The following ALK variants were observed in gnomAD, a reference collection of about 807,000 sequenced individuals.
ALK encodes the protein ALK receptor tyrosine kinase.
ALK carries 74 observed loss-of-function variants against 163.1 expected under a neutral mutation model. The ratio of observed to expected loss-of-function variants is 0.45; its 90% CI spans 0.38 to 0.55. The LOEUF is 0.55. ALK is among the 20% of genes least tolerant of loss of function. The pLI, the probability that ALK is intolerant of heterozygous loss-of-function variation, is 0.00. For synonymous variants in ALK, 960 were observed against 843.2 expected (o/e 1.14, Z -2.40); for missense variants, 2,063 against 2,105.3 (o/e 0.98, Z 0.39).
chr2:29,685,629 AGCCCTG>A (rs58528002), intron 3 of ALK, among the ~76,000 whole-genome samples: 13 of 150,808 alleles, frequency 8.6e-5, no homozygotes, highest in Admixed American at 3.3e-4. Flanking sequence ...GCCCCAGGTA[AGCCCTG>A]GCCCTGGCCC....
At chr2:29,253,858 A>AGATAGAT (rs1664883474) in intron 11 of ALK, among the ~76,000 whole-genome samples, 1 of 140,680 alleles carries the variant, frequency 7.1e-6, no homozygotes, top group Non-Finnish European at 1.6e-5. Flanking sequence ...ATAGATAGAT[A>AGATAGAT]GATAGATAGA....
chr2:29,548,289 C>A (rs1366666907), intron 3 of ALK, among the ~76,000 whole-genome samples: 1 of 152,042 alleles, frequency 6.6e-6, no homozygotes, highest in Non-Finnish European at 1.5e-5. Flanking sequence ...CTGGCTAACA[C>A]GGTGAAACCC....
At chr2:29,378,450 T>C (rs1281551097) in intron 5 of ALK, among the ~76,000 whole-genome samples, 1 of 152,188 alleles carries the variant, frequency 6.6e-6, no homozygotes, top group Non-Finnish European at 1.5e-5. Context: ...TGGAGCCAGA[T>C]GGCCTCCATT....
chr2:29,435,706 T>C (rs1262030188), intron 4 of ALK, among the ~76,000 whole-genome samples: 1 of 151,538 alleles, frequency 6.6e-6, no homozygotes, highest in African/African-American at 2.4e-5. Flanking sequence ...TTCTCCCTTA[T>C]GCCAATATGA....
chr2:29,491,940 C>T (rs1671913207), intron 4 of ALK, among the ~76,000 whole-genome samples: 1 of 152,134 alleles, frequency 6.6e-6, no homozygotes, highest in African/African-American at 2.4e-5. Flanking sequence ...ATTTAATTAC[C>T]TTAAAGTGAA....
At chr2:29,613,605 C>T (rs183908360) in intron 3 of ALK, among the ~76,000 whole-genome samples, 143 of 152,330 alleles carry the variant, frequency 9.4e-4, no homozygotes, top group African/African-American at 3.3e-3. Context: ...GGTACACAAG[C>T]ACTTCACACA....
chr2:29,904,871 AG>A (rs1667498556), intron 1 of ALK, among the ~76,000 whole-genome samples: 1 of 152,190 alleles, frequency 6.6e-6, no homozygotes. Context: ...ATGATAATTG[AG>A]TGTGAGGTTG....
chr2:29,436,063 A>G (rs1558322924), intron 4 of ALK, among the ~76,000 whole-genome samples: 1 of 152,158 alleles, frequency 6.6e-6, no homozygotes, highest in Non-Finnish European at 1.5e-5. Context: ...TATCAAGCAA[A>G]TGATACTGGA....
At chr2:29,834,484 T>C (rs959715663) in intron 1 of ALK, among the ~76,000 whole-genome samples, 1 of 152,122 alleles carries the variant, frequency 6.6e-6, no homozygotes, top group Non-Finnish European at 1.5e-5. Context: ...TGTCAGTATG[T>C]GGAAAGTAAG....
At chr2:29,444,710 A>AT (rs1320466524) in intron 4 of ALK, among the ~76,000 whole-genome samples, 1 of 152,172 alleles carries the variant, frequency 6.6e-6, no homozygotes, top group Non-Finnish European at 1.5e-5. Flanking sequence ...TCAAAAGTTC[A>AT]TTTTTTTCTT....
At chr2:29,308,831 T>C (rs1223809875) in intron 8 of ALK, among the ~76,000 whole-genome samples, 1 of 152,002 alleles carries the variant, frequency 6.6e-6, no homozygotes, top group East Asian at 1.9e-4. Flanking sequence ...GACACTTTGT[T>C]AGAGATAAAC....
chr2:29,207,731 C>T (rs924455886), intron 25 of ALK, among the ~76,000 whole-genome samples: 14 of 152,198 alleles, frequency 9.2e-5, no homozygotes, highest in African/African-American at 3.4e-4. Context: ...TCAGTATAGG[C>T]AATCAACCAG....
intron 4 of ALK, among the ~76,000 whole-genome samples, chr2:29,399,156 C>T (rs901179229): frequency 3.9e-5 from 6 of 152,208 alleles, no homozygotes; most frequent in South Asian, 2.1e-4. Context: ...AGGAATTCTT[C>T]ACAGTTATCT....
chr2:29,279,282 GGAAGA>G (rs879871274), intron 9 of ALK, among the ~76,000 whole-genome samples: 7 of 152,220 alleles, frequency 4.6e-5, no homozygotes, highest in African/African-American at 1.2e-4. Flanking sequence ...ACAACCATCA[GGAAGA>G]TTCAATCAGA....
intron 1 of ALK, among the ~76,000 whole-genome samples, chr2:29,919,286 G>A (rs1171399514): frequency 2.0e-5 from 3 of 152,166 alleles, no homozygotes; most frequent in Non-Finnish European, 2.9e-5. Context: ...TGGCTTCATA[G>A]TGACTCCCCA....
chr2:29,356,846 C>T (rs1001831048), intron 5 of ALK, among the ~76,000 whole-genome samples: 8 of 152,304 alleles, frequency 5.3e-5, no homozygotes, highest in Admixed American at 3.9e-4. Flanking sequence ...GAAGGAGACA[C>T]CTGAGTTCAG....
intron 19 of ALK, 118 bp downstream of exon 19, chr2:29,225,343 C>T (rs1663931865): frequency 2.1e-6 from 2 of 974,914 alleles, no homozygotes; most frequent in Non-Finnish European, 3.1e-6. Flanking sequence ...CACCACCCCA[C>T]CCAATTCCAG....
chr2:29,630,889 C>A (rs1257438166), intron 3 of ALK, among the ~76,000 whole-genome samples: 1 of 152,146 alleles, frequency 6.6e-6, no homozygotes, highest in African/African-American at 2.4e-5. Flanking sequence ...CATGAAGATC[C>A]ATTACTCATC....
At chr2:29,553,262 C>A (rs763420266) in intron 3 of ALK, among the ~76,000 whole-genome samples, 14 of 152,150 alleles carry the variant, frequency 9.2e-5, no homozygotes, top group Non-Finnish European at 1.9e-4. Flanking sequence ...TTTCCCTTAG[C>A]CCCTTCTGAC....
Sources: allele counts gnomAD v4.1 joint callset (sites outside exome capture counted in the v4.1 genomes callset), GRCh38; gene constraint gnomAD v4.1.1; transcripts MANE v1.5; gene names NCBI Gene and HGNC (gene_info 2026-07-23, HGNC 2026-07-21).